Variants in UBL4A observed in about 807,000 individuals in gnomAD.
UBL4A encodes the protein ubiquitin like 4A.
In UBL4A, 4 loss-of-function variants were observed where a neutral mutation model predicts 11.4. The observed-to-expected ratio is 0.35, with a 90% CI of 0.17 to 0.81. The LOEUF is 0.81. Ranked by LOEUF, UBL4A falls within the 30% of genes least tolerant of loss-of-function variation. UBL4A has a pLI of 0.52. For synonymous variants in UBL4A, 72 were observed against 61.2 expected (o/e 1.18, Z -0.83); for missense variants, 112 against 124.9 (o/e 0.90, Z 0.49).
At chrX:154,486,086 GTGAGGCA>G (rs1461072082) in intron 2 of UBL4A, 107 bp from the exon 3 acceptor site, 9 of 1,058,632 alleles carry the variant, frequency 8.5e-6, no homozygotes, top group Non-Finnish European at 1.1e-5. Context: ...GCATCCGGCT[GTGAGGCA>G]TGCGGCCGCC....
Position 154,485,752 on chromosome X carries a change from C to A in UBL4A, c.363+19G>T. On this transcript the variant is annotated intron_variant, in intron 3 of 3. Transcript: ENST00000369660. ...GAGCAACTGGGCCTGAAGAGGATGC[C>A]CAGGGTTACCCTTCTCACCCTCTGT... 2 of 1,188,497 alleles carry A rather than the reference C, an allele frequency of 1.7e-6. No homozygotes were observed. Among genetic ancestry groups the A allele is most frequent in the Non-Finnish European group, 2.3e-6 (2 of 882,220 alleles).
chrX:154,486,119 T>G (rs2069296700), intron 2 of UBL4A, 109 bp downstream of exon 2: 1 of 1,017,792 alleles, frequency 9.8e-7, no homozygotes. Context: ...TGGGGTCATG[T>G]GGCGCTTGGC....
intron 1 of UBL4A, 94 bp downstream of exon 1, chrX:154,486,443 G>GCGC: frequency 1.0e-6 from 1 of 967,303 alleles, no homozygotes; most frequent in Non-Finnish European, 1.3e-6. Flanking sequence ...CCTCGGCCCG[G>GCGC]CCGCCCCGTG....
chrX:154,486,133 C>G (rs1557212871), intron 2 of UBL4A, 95 bp downstream of exon 2: 1 of 1,044,020 alleles, frequency 9.6e-7, no homozygotes, highest in Non-Finnish European at 1.3e-6. Context: ...GCTTGGCGCC[C>G]GCACCCCGAC....
Position 154,484,779 on chromosome X carries a change from A to T in UBL4A, c.*760T>A, listed in dbSNP as rs1557212393. 1 of 112,828 alleles carries T rather than the reference A, an allele frequency of 8.9e-6. No individual in the cohort carries two copies. The highest frequency in any genetic ancestry group is 3.2e-5 in the African/African-American group (1 of 30,967). 9.3% of individuals were successfully genotyped at this position (112,828 alleles called of 1,213,427 possible). On this transcript the variant is annotated 3_prime_UTR_variant, in exon 4 of 4. Coordinates refer to ENST00000369660, the MANE Select transcript of UBL4A (RefSeq NM_014235.5). Reference sequence around the variant, plus strand: ...ACGAGACAAGCAGATAGGGTGCCCCAGAGAGGAGCTGTGTCACTAAGGGCC... The same window carrying T: ...ACGAGACAAGCAGATAGGGTGCCCCTGAGAGGAGCTGTGTCACTAAGGGCC...
rs1454354733 is a variant in UBL4A, at chrX:154,484,166, T to C, written c.*1373A>G. On this transcript the variant is annotated 3_prime_UTR_variant, in exon 4 of 4. Coordinates refer to ENST00000369660, the MANE Select transcript of UBL4A (RefSeq NM_014235.5). ...ACACTGGTAAATGTATCACCTGAACTGCAGGCCACACATGCTCACGAGTGT... is the reference window on the plus strand; with the variant it reads ...ACACTGGTAAATGTATCACCTGAACCGCAGGCCACACATGCTCACGAGTGT... 1 of 113,253 alleles carries C rather than the reference T, an allele frequency of 8.8e-6. No homozygotes were observed. The highest frequency in any genetic ancestry group is 1.9e-5 in the Non-Finnish European group (1 of 53,391). 9.3% of individuals were successfully genotyped at this position (113,253 alleles called of 1,213,427 possible).
chrX:154,486,456 C>A, intron 1 of UBL4A, 81 bp downstream of exon 1: 1 of 975,993 alleles, frequency 1.0e-6, no homozygotes, highest in Non-Finnish European at 1.3e-6. Context: ...GCCCCGTGCC[C>A]GCCCTCGGCC....
rs1303697173 is a variant in UBL4A at position 154,485,227 on chromosome X, T to G, written c.*312A>C. 2 of 459,491 alleles carry G rather than the reference T, an allele frequency of 4.4e-6. No homozygotes were observed. The highest frequency in any genetic ancestry group is 7.8e-6 in the Non-Finnish European group (2 of 257,159). 37.9% of individuals were successfully genotyped at this position (459,491 alleles called of 1,213,427 possible). A position where few individuals can be genotyped will look rare whatever the true frequency, so the allele number is the denominator to read the frequency against. On this transcript the variant is annotated 3_prime_UTR_variant, in exon 4 of 4. Coordinates refer to ENST00000369660, the MANE Select transcript of UBL4A (RefSeq NM_014235.5). ...ACCTGAGGGTATATTCTCAGTGGGC[T>G]AAACATGACATGCGAGAGCCCAGCT...
At position 154,485,354 on chromosome X, in the gene UBL4A, C is replaced by G. The variant is rs782400400; in HGVS notation, c.*185G>C. The G allele has an allele frequency of 3.7e-6, 2 of 539,329 alleles. No individual in the cohort carries two copies. Among genetic ancestry groups the G allele is most frequent in the Non-Finnish European group, 6.7e-6 (2 of 298,437 alleles). The allele number at this position is 539,329 out of a possible 1,213,427, so 44.4% of individuals were successfully genotyped here. On this transcript the variant is annotated 3_prime_UTR_variant, in exon 4 of 4. Transcript: ENST00000369660. ...TTCATCGCCGGTGCCTCTGCTGTGC[C>G]GGCTCTCCTCTTCTGAGGGTGTGGA... is the stretch of plus-strand genomic sequence containing the variant.
In UBL4A at chrX:154,486,456, C is replaced by T. The variant is rs1313770349; in HGVS notation, c.48+81G>A. 8 of 973,425 alleles carry T rather than the reference C, an allele frequency of 8.2e-6. No individual in the cohort carries two copies. The Admixed American group carries it at 2.8e-4, about 34-fold the overall frequency. The allele number at this position is 973,425 out of a possible 1,213,427, so 80.2% of individuals were successfully genotyped here. ...GCCCTCGGCCCGGCCGCCCCGTGCCCGCCCTCGGCCCTGCCGGTCCCCCTG... is the reference window on the plus strand; with the variant it reads ...GCCCTCGGCCCGGCCGCCCCGTGCCTGCCCTCGGCCCTGCCGGTCCCCCTG... On this transcript the variant is annotated intron_variant, in intron 1 of 3. Coordinates refer to ENST00000369660, the MANE Select transcript of UBL4A (RefSeq NM_014235.5).
At position 154,485,426 on chromosome X, in the gene UBL4A, G is replaced by A; in HGVS notation, c.*113C>T. ...GAGGAGTGCCTAGCACCTGGCCAGAGCCAGGTACATGCCAGCTATGATGAT... is the reference window on the plus strand; with the variant it reads ...GAGGAGTGCCTAGCACCTGGCCAGAACCAGGTACATGCCAGCTATGATGAT... On this transcript the variant is annotated 3_prime_UTR_variant, in exon 4 of 4. Coordinates refer to ENST00000369660, the MANE Select transcript of UBL4A (RefSeq NM_014235.5). 2.4e-6 allele frequency: 2 copies of A among 842,876 alleles called. No individual in the cohort carries two copies. The highest frequency in any genetic ancestry group is 3.6e-6 in the Non-Finnish European group (2 of 559,324). The allele number at this position is 842,876 out of a possible 1,213,427, so 69.5% of individuals were successfully genotyped here.
chrX:154,486,403 C>T, intron 1 of UBL4A, 70 bp from the exon 2 acceptor site: 4 of 1,013,655 alleles, frequency 3.9e-6, no homozygotes, highest in Admixed American at 4.0e-5. Context: ...CACGCGTCCG[C>T]CCCCGAGGGC....
At position 154,486,309 on chromosome X, in the gene UBL4A, T is replaced by C; in HGVS notation, c.73A>G (p.Thr25Ala). Residue 25 changes from threonine (T) to alanine (A), a missense_variant, in exon 2 of 4, where the codon ACG (threonine) becomes GCG (alanine). Coordinates refer to ENST00000369660, the MANE Select transcript of UBL4A (RefSeq NM_014235.5). ...TTCTCGGAGACCAGCTGCTTCAGCG[T>C]GGACACCAGCTCGTCCTCTGGCACC... ...LQVPEDELVS[T>A]LKQLVSEKLN... 8.7e-7 allele frequency: 1 copy of C among 1,150,242 alleles called. No homozygotes were observed. The highest frequency in any genetic ancestry group is 2.0e-5 in the South Asian group (1 of 50,941). The allele number at this position is 1,150,242 out of a possible 1,213,427, so 94.8% of individuals were successfully genotyped here. A position where few individuals can be genotyped will look rare whatever the true frequency, so the allele number is the denominator to read the frequency against.
rs2069279497 is a variant in UBL4A at position 154,483,920 on chromosome X, C to T, written c.*1619G>A. On this transcript the variant is annotated 3_prime_UTR_variant, in exon 4 of 4. Coordinates refer to ENST00000369660, the MANE Select transcript of UBL4A (RefSeq NM_014235.5). ...AGAAGACACTGGGTGAAATTGCTCA[C>T]CTGCTGCCAATGCCAATACCACTGG... 1 of 112,742 alleles carries T rather than the reference C, an allele frequency of 8.9e-6. No homozygotes were observed. The highest frequency in any genetic ancestry group is 3.6e-4 in the South Asian group (1 of 2,780). The allele number at this position is 112,742 out of a possible 1,213,427, so 9.3% of individuals were successfully genotyped here.
chrX:154,486,211 C>A lies in UBL4A; in HGVS notation c.154+17G>T, dbSNP rs199713222. ...GCTTCCTGCGGGGCTCCCCGGGCGT[C>A]TCCTCTCCCTGGGTACCTGCCAGGG... On this transcript the variant is annotated intron_variant, in intron 2 of 3. Transcript: ENST00000369660. The A allele has an allele frequency of 3.3e-5, 37 of 1,130,644 alleles. No homozygotes were observed. The Admixed American group carries it at 6.9e-4, about 21-fold the overall frequency. 93.2% of individuals were successfully genotyped at this position (1,130,644 alleles called of 1,213,427 possible).
Position 154,486,322 on chromosome X carries a change from G to C in UBL4A, c.60C>G (p.Asp20Glu). 1 of 1,143,865 alleles carries C rather than the reference G, an allele frequency of 8.7e-7. No homozygotes were observed. The highest frequency in any genetic ancestry group is 1.9e-5 in the African/African-American group (1 of 53,687). 94.3% of individuals were successfully genotyped at this position (1,143,865 alleles called of 1,213,427 possible). A position where few individuals can be genotyped will look rare whatever the true frequency, so the allele number is the denominator to read the frequency against. ...GCTGCTTCAGCGTGGACACCAGCTCGTCCTCTGGCACCTGGCCGCGCGGAG... is the reference window on the plus strand; with the variant it reads ...GCTGCTTCAGCGTGGACACCAGCTCCTCCTCTGGCACCTGGCCGCGCGGAG... The part of the protein sequence containing the change: ...GRECSLQVPE[D>E]ELVSTLKQLV... Residue 20 changes from aspartate (D) to glutamate (E), a missense_variant, in exon 2 of 4, where the codon GAC becomes GAG. By Grantham distance (45) the Asp-to-Glu change is conservative (BLOSUM62 2). Coordinates refer to ENST00000369660, the MANE Select transcript of UBL4A (RefSeq NM_014235.5).
rs782770510 is a variant in UBL4A, at chrX:154,485,488, C to T, written c.*51G>A. On this transcript the variant is annotated 3_prime_UTR_variant, in exon 4 of 4. Transcript: ENST00000369660. ...CTGCAACAGGAGAACACACTTAGTG[C>T]GACATGCAGCGGTAGCCTGGCGTTG... 3 of 1,120,094 alleles carry T rather than the reference C, an allele frequency of 2.7e-6. No individual in the cohort carries two copies. Among genetic ancestry groups the T allele is most frequent in the East Asian group, 3.0e-5 (1 of 33,375 alleles). The allele number at this position is 1,120,094 out of a possible 1,213,427, so 92.3% of individuals were successfully genotyped here. A position where few individuals can be genotyped will look rare whatever the true frequency, so the allele number is the denominator to read the frequency against.
Position 154,485,926 on chromosome X carries a change from C to G in UBL4A, c.208G>C (p.Val70Leu), listed in dbSNP as rs1356573812. ...AGCACCTTCTCCAGGGGTTTGACCA[C>G]TAGGTTGAGCTTGGAGTTGGGCCCG... ...SIGPNSKLNL[V>L]VKPLEKVLLE... Residue 70 changes from valine to leucine, a missense_variant, in exon 3 of 4, where the codon GTG (valine) becomes CTG (leucine). Physicochemically the swap from Val to Leu is conservative, Grantham distance 32. Coordinates refer to ENST00000369660, the MANE Select transcript of UBL4A (RefSeq NM_014235.5). 2 of 1,210,398 alleles carry G rather than the reference C, an allele frequency of 1.7e-6. No homozygotes were observed. Among genetic ancestry groups the G allele is most frequent in the Non-Finnish European group, 2.2e-6 (2 of 895,515 alleles).
chrX:154,485,338 G>T lies in UBL4A; in HGVS notation c.*201C>A. The stretch of plus-strand genomic sequence containing the variant: ...ACTGGGGCTGTGCCACTTCATCGCC[G>T]GTGCCTCTGCTGTGCCGGCTCTCCT... On this transcript the variant is annotated 3_prime_UTR_variant, in exon 4 of 4. Transcript: ENST00000369660. 1 of 528,904 alleles carries T rather than the reference G, an allele frequency of 1.9e-6. No homozygotes were observed. The highest frequency in any genetic ancestry group is 3.4e-6 in the Non-Finnish European group (1 of 290,064). The allele number at this position is 528,904 out of a possible 1,213,427, so 43.6% of individuals were successfully genotyped here. A position where few individuals can be genotyped will look rare whatever the true frequency, so the allele number is the denominator to read the frequency against.
Sources: gnomAD v4.1 joint callset for allele counts on GRCh38, gnomAD v4.1.1 for gene constraint, MANE v1.5 for transcripts, NCBI Gene and HGNC (gene_info 2026-07-23, HGNC 2026-07-21) for gene names.